The following KCNC2 variants were observed in gnomAD, a reference collection of about 807,000 sequenced individuals.
KCNC2 encodes voltage-gated potassium channel KCNC2.
A neutral mutation model predicts 44.5 loss-of-function variants in KCNC2; 21 were observed. That is an observed-to-expected ratio of 0.47 (90% confidence interval 0.33 to 0.68). The LOEUF (loss-of-function observed/expected upper bound fraction) is 0.68. KCNC2 is among the 30% of genes least tolerant of loss of function. The probability of loss-of-function intolerance (pLI) is 0.01; values close to 1 mark genes in which losing one functional copy is unlikely to be tolerated. For synonymous variants in KCNC2, 391 were observed against 339.1 expected (o/e 1.15, Z -1.68); for missense variants, 589 against 826.2 (o/e 0.71, Z 3.52).
chr12:75,181,916 C>CTTTTTTTTTTTT lies in KCNC2; in HGVS notation c.687+25369_687+25380dup, dbSNP rs61089425. Among the ~76,000 whole-genome samples the CTTTTTTTTTTTT allele has an allele frequency of 1.9e-3, 93 of 47,876 alleles. 29 individuals are homozygous for CTTTTTTTTTTTT. The highest frequency in any genetic ancestry group is 4.9e-3 in the East Asian group (5 of 1,014). The allele number at this position is 47,876 out of a possible 152,430, so 31.4% of individuals were successfully genotyped here. A position where few individuals can be genotyped will look rare whatever the true frequency, so the allele number is the denominator to read the frequency against. ...AAACATTATTACTATTAATATCTTC[C>CTTTTTTTTTTTT]TTTTTTTTTTTTTTTTTTTTTTTTT... On this transcript the variant is annotated intron_variant, in intron 2 of 4. Coordinates refer to ENST00000549446, the MANE Select transcript of KCNC2 (RefSeq NM_139137.4).
intron 2 of KCNC2, among the ~76,000 whole-genome samples, chr12:75,177,344 C>A (rs1004115275): frequency 6.6e-6 from 1 of 151,642 alleles, no homozygotes; most frequent in Non-Finnish European, 1.5e-5. Context: ...GTGTAGAATC[C>A]CAATAGTTTT....
Position 75,042,246 on chromosome 12 carries a change from C to A in KCNC2, c.*859G>T, listed in dbSNP as rs1565800735. The A allele has an allele frequency of 6.3e-7, 1 of 1,582,988 alleles. No individual in the cohort carries two copies. Among genetic ancestry groups the A allele is most frequent in the South Asian group, 1.2e-5 (1 of 86,212 alleles). On this transcript the variant is annotated 3_prime_UTR_variant, in exon 5 of 5. Transcript: ENST00000549446. ...AGAGTCTAGAACCAAGCAGCAATTTCTGGCTAAACAATGCAAGCCTGGCTG... is the reference window on the plus strand; with the variant it reads ...AGAGTCTAGAACCAAGCAGCAATTTATGGCTAAACAATGCAAGCCTGGCTG...
At chr12:75,091,760 G>A (rs916015953) in intron 2 of KCNC2, among the ~76,000 whole-genome samples, 1 of 151,438 alleles carries the variant, frequency 6.6e-6, no homozygotes, top group South Asian at 2.1e-4. Context: ...CCTATACAGT[G>A]CTATGTTAAA....
intron 2 of KCNC2, among the ~76,000 whole-genome samples, chr12:75,104,434 C>A (rs1461309310): frequency 2.0e-5 from 3 of 152,102 alleles, no homozygotes; most frequent in African/African-American, 7.2e-5. Flanking sequence ...CTGGGTGTAA[C>A]TGTAACCACC....
intron 2 of KCNC2, among the ~76,000 whole-genome samples, chr12:75,109,199 T>C (rs1303015859): frequency 1.3e-5 from 2 of 152,190 alleles, no homozygotes; most frequent in Non-Finnish European, 2.9e-5. Context: ...GTATTATCTC[T>C]TATGAATACC....
chr12:75,191,501 A>ATAATAT (rs2030212118), intron 2 of KCNC2, among the ~76,000 whole-genome samples: 1 of 70,422 alleles, frequency 1.4e-5, no homozygotes, highest in South Asian at 6.7e-4. Context: ...TTTGTTCTGA[A>ATAATAT]TATTATTATT....
chr12:75,088,497 G>A (rs549106398), intron 2 of KCNC2, among the ~76,000 whole-genome samples: 67 of 152,052 alleles, frequency 4.4e-4, no homozygotes, highest in Middle Eastern at 6.8e-3. Flanking sequence ...ATGAACTGTC[G>A]TCCAAAATAT....
intron 2 of KCNC2, among the ~76,000 whole-genome samples, chr12:75,204,048 C>T (rs2031496347): frequency 6.6e-6 from 1 of 151,854 alleles, no homozygotes; most frequent in African/African-American, 2.4e-5. Context: ...TTGTTTTTTA[C>T]TGTTTGTAAA....
At chr12:75,158,514 T>A (rs1890908983) in intron 2 of KCNC2, among the ~76,000 whole-genome samples, 1 of 151,850 alleles carries the variant, frequency 6.6e-6, no homozygotes, top group Admixed American at 6.6e-5. Context: ...GTAATTTTGG[T>A]TTTTCCTACC....
At chr12:75,107,472 T>C (rs929351413) in intron 2 of KCNC2, among the ~76,000 whole-genome samples, 18 of 152,232 alleles carry the variant, frequency 1.2e-4, no homozygotes, top group Admixed American at 2.6e-4. Flanking sequence ...CTGAAATGTT[T>C]ACTCTATTCA....
At chr12:75,123,735 A>G (rs909482574) in intron 2 of KCNC2, among the ~76,000 whole-genome samples, 6 of 152,148 alleles carry the variant, frequency 3.9e-5, no homozygotes, top group African/African-American at 1.2e-4. Flanking sequence ...CACGGTGGAA[A>G]ACTTGGAGAC....
chr12:75,043,135 G>A lies in KCNC2; in HGVS notation c.1887C>T (p.Arg629=), dbSNP rs1222173785. Reference sequence around the variant, plus strand: ...AGATAGATGGGATGGGAGATCGAGAGCGCCTCAGAGGACAAGGAGAGTTGT... The same window carrying A: ...AGATAGATGGGATGGGAGATCGAGAACGCCTCAGAGGACAAGGAGAGTTGT... ...SPYNSPCPLR[R]SRSPIPSIL is the part of the protein sequence containing the mutation. The change falls in exon 5 of 5, where the codon CGC becomes CGT. Residue 629 remains arginine (R), a synonymous_variant. Coordinates refer to ENST00000549446, the MANE Select transcript of KCNC2 (RefSeq NM_139137.4). 73 of 1,612,388 alleles carry A rather than the reference G, an allele frequency of 4.5e-5. No individual in the cohort carries two copies. Among genetic ancestry groups the A allele is most frequent in the Non-Finnish European group, 6.1e-5 (72 of 1,178,952 alleles).
intron 2 of KCNC2, among the ~76,000 whole-genome samples, chr12:75,088,967 CA>C (rs1885253334): frequency 6.6e-6 from 1 of 151,708 alleles, no homozygotes; most frequent in African/African-American, 2.4e-5. Flanking sequence ...CCCCATAAAA[CA>C]ATGATAATAT....
At chr12:75,063,601 A>C (rs961782632) in intron 2 of KCNC2, among the ~76,000 whole-genome samples, 7 of 151,980 alleles carry the variant, frequency 4.6e-5, no homozygotes, top group African/African-American at 1.7e-4. Flanking sequence ...GGTGGGGGAG[A>C]GCTGAATAGG....
Position 75,207,965 on chromosome 12 carries a change from T to A in KCNC2, c.19A>T (p.Asn7Tyr). The change falls in exon 2 of 5, where the codon AAC becomes TAC. Residue 7 changes from asparagine to tyrosine, a missense_variant. By Grantham distance (143) the Asn-to-Tyr change is moderately radical. Around this residue, in one of 7 missense-constraint regions of KCNC2, gnomAD observed 148 missense variants for 140.1 expected, o/e 1.06. Coordinates refer to ENST00000549446, the MANE Select transcript of KCNC2 (RefSeq NM_139137.4). This position sits in a 1 kb window ranked among gnomAD's most constrained non-coding sequence, Gnocchi z 4.1. ...CCGACATTGAGGATCACCCTCTCGT[T>A]GTTCTCGATCTTGCCCATCTCTGTG... MGKIENNERVILNVGGT... is the reference protein window; with the variant it reads MGKIENYERVILNVGGT... The A allele has an allele frequency of 6.2e-7, 1 of 1,612,484 alleles. No individual in the cohort carries two copies. Among genetic ancestry groups the A allele is most frequent in the South Asian group, 1.1e-5 (1 of 90,992 alleles).
chr12:75,084,283 A>AGATAGATAGAT (rs1565840365), intron 2 of KCNC2, among the ~76,000 whole-genome samples: 16 of 114,744 alleles, frequency 1.4e-4, no homozygotes, highest in East Asian at 7.5e-4. Flanking sequence ...ATAGATAGAT[A>AGATAGATAGAT]GATAGATGAT....
chr12:75,200,372 T>G (rs1191745468), intron 2 of KCNC2, among the ~76,000 whole-genome samples: 3 of 151,800 alleles, frequency 2.0e-5, no homozygotes, highest in African/African-American at 7.2e-5. Context: ...TTTCTTCCAG[T>G]TCTAATCAGC....
chr12:75,045,622 A>T (rs1880408058), intron 4 of KCNC2, among the ~76,000 whole-genome samples: 1 of 151,938 alleles, frequency 6.6e-6, no homozygotes, highest in Admixed American at 6.6e-5. Flanking sequence ...TAACTTCTAG[A>T]TATACAGCAT....
chr12:75,195,732 T>A (rs1339247087), intron 2 of KCNC2, among the ~76,000 whole-genome samples: 2 of 151,990 alleles, frequency 1.3e-5, no homozygotes, highest in East Asian at 3.9e-4. Flanking sequence ...TCCAACCCAA[T>A]CCCCTCTTCA....
Sources: gnomAD v4.1 joint callset for allele counts (sites outside exome capture counted in the v4.1 genomes callset) on GRCh38, gnomAD v4.1.1 for gene constraint, gnomAD v4.1.1 regional missense constraint, Gnocchi (gnomAD v3.1) non-coding constraint, MANE v1.5 for transcripts, NCBI Gene and HGNC (gene_info 2026-07-23, HGNC 2026-07-21) for gene names.